Variants in ADD1 observed in about 807,000 individuals in gnomAD.
ADD1 encodes the protein adducin 1.
Under a neutral mutation model 80.5 loss-of-function variants are expected in ADD1, and 24 were observed. That is an observed-to-expected ratio of 0.30 (90% CI 0.22 to 0.42). ADD1 has a LOEUF of 0.42. Ranked by LOEUF, ADD1 falls within the 10% of genes least tolerant of loss-of-function variation. The pLI, the probability that ADD1 is intolerant of heterozygous loss-of-function variation, is 1.00. For synonymous variants in ADD1, 373 were observed against 393.8 expected, an observed-to-expected ratio of 0.95 and a Z score of 0.63; for missense variants, 948 against 1,019.0, an observed-to-expected ratio of 0.93 and a Z score of 0.95.
At chr4:2,869,344 G>A (rs1730055645) in intron 1 of ADD1, among the ~76,000 whole-genome samples, 1 of 152,278 alleles carries the variant, frequency 6.6e-6, no homozygotes, top group Admixed American at 6.5e-5. Flanking sequence ...TTCTTGGCTT[G>A]AGGAAGCACT....
chr4:2,878,462 C>T (rs1248587370), intron 2 of ADD1, among the ~76,000 whole-genome samples: 1 of 152,004 alleles, frequency 6.6e-6, no homozygotes, highest in Non-Finnish European at 1.5e-5. Context: ...TTGGCTTGAG[C>T]AGTTTACTTA....
chr4:2,912,424 C>T (rs1428509591), intron 13 of ADD1, among the ~76,000 whole-genome samples: 1 of 152,218 alleles, frequency 6.6e-6, no homozygotes, highest in African/African-American at 2.4e-5. Flanking sequence ...TGCGCTGTGC[C>T]TCGGGCTTCA....
intron 15 of ADD1, among the ~76,000 whole-genome samples, chr4:2,927,248 T>C (rs1711918979): frequency 6.6e-6 from 1 of 152,312 alleles, no homozygotes; most frequent in African/African-American, 2.4e-5. Context: ...GAGCGGCGCC[T>C]GTGTGCCCAT....
At chr4:2,912,219 G>A (rs1738195841) in intron 13 of ADD1, among the ~76,000 whole-genome samples, 9 of 152,244 alleles carry the variant, frequency 5.9e-5, no homozygotes, top group Admixed American at 5.9e-4. Flanking sequence ...AGTGGCAGGA[G>A]GGGAAGCTAG....
chr4:2,887,217 C>G (rs1733525939), intron 4 of ADD1, among the ~76,000 whole-genome samples: 2 of 152,230 alleles, frequency 1.3e-5, no homozygotes, highest in South Asian at 4.1e-4. Context: ...TTTTGTTTTA[C>G]TATTATGGCA....
At chr4:2,925,314 G>T (rs1740784863) in intron 14 of ADD1, among the ~76,000 whole-genome samples, 1 of 152,166 alleles carries the variant, frequency 6.6e-6, no homozygotes, top group African/African-American at 2.4e-5. Context: ...TCAGAAGGAT[G>T]ATGATAGCTG....
intron 6 of ADD1, among the ~76,000 whole-genome samples, chr4:2,897,828 C>G (rs879401765): frequency 5.9e-5 from 9 of 152,074 alleles, no homozygotes; most frequent in Non-Finnish European, 1.2e-4. Flanking sequence ...GATGGGAAGC[C>G]TTCTTTTGAA....
At chr4:2,859,795 C>T (rs1291093735) in intron 1 of ADD1, among the ~76,000 whole-genome samples, 1 of 152,172 alleles carries the variant, frequency 6.6e-6, no homozygotes, top group Non-Finnish European at 1.5e-5. Flanking sequence ...CAAGCAGTTA[C>T]CACTTTAGAC....
In ADD1 at chr4:2,926,314, C is replaced by G. The variant is rs1560265529; in HGVS notation, c.2047+202C>G. 1.4e-6 allele frequency: 1 copy of G among 718,446 alleles called. No homozygotes were observed. Among genetic ancestry groups the G allele is most frequent in the East Asian group, 2.7e-5 (1 of 37,112 alleles). The allele number at this position is 718,446 out of a possible 1,614,324, so 44.5% of individuals were successfully genotyped here. On this transcript the variant is annotated intron_variant, in intron 15 of 15. Coordinates refer to ENST00000683351, the MANE Select transcript of ADD1 (RefSeq NM_001354761.2). The surrounding 1 kb of genome is among the most constrained non-coding windows in gnomAD (Gnocchi z 5.0). ...AACAGATTTGTATGTGAGCTGTGAC[C>G]AGGTAGGAAGGCCGGCCTCGGGGGT...
At chr4:2,868,341 G>T (rs1577481057) in intron 1 of ADD1, among the ~76,000 whole-genome samples, 2 of 152,278 alleles carry the variant, frequency 1.3e-5, no homozygotes, top group African/African-American at 4.8e-5. Context: ...ATGAATTTCT[G>T]GCCAGGGCGT....
At chr4:2,901,856 C>T (rs1329370967) in intron 9 of ADD1, 1 of 149,524 alleles carries the variant, frequency 6.7e-6, no homozygotes, top group Non-Finnish European at 1.5e-5. Context: ...TTGTCCCCCC[C>T]CCAAAAAAAA....
intron 1 of ADD1, among the ~76,000 whole-genome samples, chr4:2,855,482 G>A (rs898299645): frequency 3.3e-5 from 5 of 150,800 alleles, no homozygotes; most frequent in African/African-American, 1.2e-4. Context: ...TTCTTTTAGT[G>A]ATTACCCTTG....
Position 2,926,184 on chromosome 4 carries a change from C to T in ADD1, c.2047+72C>T, listed in dbSNP as rs1034616980. The T allele has an allele frequency of 4.5e-5, 62 of 1,372,204 alleles. 1 individual carries two copies. The highest frequency in any genetic ancestry group is 3.9e-4 in the South Asian group (33 of 85,082). 85.0% of individuals were successfully genotyped at this position (1,372,204 alleles called of 1,614,324 possible). ...TCGTGCGCGCTGTGGCGGAATGTGGCGGGAGTCGTGTTAACAGCAACACGG... is the reference window on the plus strand; with the variant it reads ...TCGTGCGCGCTGTGGCGGAATGTGGTGGGAGTCGTGTTAACAGCAACACGG... On this transcript the variant is annotated intron_variant, in intron 15 of 15. Coordinates refer to ENST00000683351, the MANE Select transcript of ADD1 (RefSeq NM_001354761.2). The surrounding 1 kb of genome is among the most constrained non-coding windows in gnomAD (Gnocchi z 5.0).
At chr4:2,884,287 A>C (rs1342011557) in intron 3 of ADD1, among the ~76,000 whole-genome samples, 1 of 152,246 alleles carries the variant, frequency 6.6e-6, no homozygotes, top group African/African-American at 2.4e-5. Flanking sequence ...TGGAAGATAA[A>C]TATCTCAGAA....
chr4:2,917,123 A>G (rs1182660474), intron 14 of ADD1, among the ~76,000 whole-genome samples: 1 of 152,226 alleles, frequency 6.6e-6, no homozygotes, highest in Non-Finnish European at 1.5e-5. Flanking sequence ...GCCTTCCACA[A>G]TGGTTGAACT....
chr4:2,880,463 CTTTTTTTTTTTTTTTTT>C (rs1167878841), intron 2 of ADD1, among the ~76,000 whole-genome samples: 14 of 63,164 alleles, frequency 2.2e-4, no homozygotes, highest in African/African-American at 5.0e-4. Context: ...TTCTTTCTTT[CTTTTTTTTTTTTTTTTT>C]TTTTTTTTTT....
intron 2 of ADD1, 37 bp downstream of exon 2, chr4:2,876,147 C>A (rs765245921): frequency 1.3e-6 from 2 of 1,575,054 alleles, no homozygotes; most frequent in Non-Finnish European, 1.7e-6. Flanking sequence ...CAGATGTCAT[C>A]TTTCCTTTTC....
chr4:2,850,331 G>A (rs1332238801), intron 1 of ADD1, among the ~76,000 whole-genome samples: 4 of 152,072 alleles, frequency 2.6e-5, no homozygotes, highest in African/African-American at 9.7e-5. Flanking sequence ...GCAGTGGTGC[G>A]ATCTTGGCTC....
chr4:2,894,305 C>T (rs1000712617), intron 5 of ADD1, among the ~76,000 whole-genome samples: 1 of 152,072 alleles, frequency 6.6e-6, no homozygotes, highest in South Asian at 2.1e-4. Flanking sequence ...TTGAAGTCCT[C>T]TTGGGCTGGG....
Sources: allele counts gnomAD v4.1 joint callset (sites outside exome capture counted in the v4.1 genomes callset), GRCh38; gene constraint gnomAD v4.1.1; non-coding constraint Gnocchi (gnomAD v3.1); transcripts MANE v1.5; gene names NCBI Gene and HGNC (gene_info 2026-07-23, HGNC 2026-07-21).